The following SPG11 variants were observed in gnomAD, a reference collection of about 807,000 sequenced individuals.
SPG11 encodes the protein SPG11 vesicle trafficking associated, spatacsin, also known as spatacsin.
In SPG11, 222 loss-of-function variants were observed where a neutral mutation model predicts 274.0. The observed-to-expected ratio is 0.81, with a 90% confidence interval of 0.73 to 0.91. The LOEUF is 0.91. Ranked by LOEUF, SPG11 falls within the 40% of genes least tolerant of loss-of-function variation. The pLI, the probability that SPG11 is intolerant of heterozygous loss-of-function variation, is 0.00. For missense variants in SPG11, 3,114 were observed against 2,872.7 expected, an observed-to-expected ratio of 1.08 and a Z score of -1.92; for synonymous variants, 1,144 against 1,039.7, an observed-to-expected ratio of 1.10 and a Z score of -1.93.
rs529499254 is a variant in SPG11, at chr15:44,649,512, G to A, written c.1457-501C>T. ...CCTCCCAAATGTTTTGATTACAAGCGTGAGCCACTGCACCCACCAAGAAAA... is the reference window on the plus strand; with the variant it reads ...CCTCCCAAATGTTTTGATTACAAGCATGAGCCACTGCACCCACCAAGAAAA... On this transcript the variant is annotated intron_variant, in intron 6 of 39. Coordinates refer to ENST00000261866, the MANE Select transcript of SPG11 (RefSeq NM_025137.4). 1.8e-4 allele frequency among the ~76,000 whole-genome samples: 27 copies of A among 152,104 alleles called. No homozygotes were observed. The East Asian group carries it at 2.3e-3, about 13-fold the overall frequency.
intron 30 of SPG11, among the ~76,000 whole-genome samples, chr15:44,576,142 C>CAAAAAAAA (rs201558800): frequency 4.6e-5 from 2 of 43,056 alleles, no homozygotes; most frequent in Non-Finnish European, 7.8e-5. Context: ...AACTCCATCT[C>CAAAAAAAA]AAAAAAAAAA....
At chr15:44,591,993 C>A (rs2082910738) in intron 27 of SPG11, among the ~76,000 whole-genome samples, 1 of 151,966 alleles carries the variant, frequency 6.6e-6, no homozygotes, top group African/African-American at 2.4e-5. Flanking sequence ...CACCTGTAAT[C>A]CCAGCTACTC....
At position 44,652,143 on chromosome 15, in the gene SPG11, G is replaced by A. The variant is rs76823973; in HGVS notation, c.993C>T (p.Ser331=). 5,154 of 1,614,078 alleles carry A rather than the reference G, an allele frequency of 3.2e-3. 208 individuals are homozygous for A. In the East Asian group the frequency reaches 0.079, roughly 25 times the overall value. ...SAYNMKLAKF[S]FQIDRSWKAQ... is the part of the protein sequence containing the mutation. ...AGTTTCTGTACCTATCAATTTGGAA[G>A]GAAAACTTGGCCAGTTTCATGTTGT... is the stretch of plus-strand genomic sequence containing the variant. Residue 331 remains serine (S), a synonymous_variant, in exon 5 of 40, where the codon TCC becomes TCT. Transcript: ENST00000261866.
chr15:44,636,959 A>AAAAAAAAAAAC, intron 7 of SPG11, among the ~76,000 whole-genome samples: 1 of 122,274 alleles, frequency 8.2e-6, no homozygotes, highest in African/African-American at 3.6e-5. Context: ...AAAAAAAAAC[A>AAAAAAAAAAAC]AAAAAAAAAC....
At chr15:44,601,812 A>G (rs976115314) in intron 20 of SPG11, among the ~76,000 whole-genome samples, 2 of 151,320 alleles carry the variant, frequency 1.3e-5, no homozygotes, top group East Asian at 3.9e-4. Flanking sequence ...GCCCACCTTG[A>G]CCTCCCAAAG....
intron 7 of SPG11, among the ~76,000 whole-genome samples, chr15:44,633,972 C>T (rs904848692): frequency 6.6e-5 from 10 of 151,944 alleles, no homozygotes; most frequent in South Asian, 2.1e-4. Context: ...CCAAGTAGTT[C>T]GGATTACAGG....
chr15:44,620,189 C>A lies in SPG11; in HGVS notation c.2834+1G>T, dbSNP rs312262749. ...GGGTATTAGTTCAACAGTTATAATACCTGGCCAGCTTATCTAAAATTTCAT... is the reference window on the plus strand; with the variant it reads ...GGGTATTAGTTCAACAGTTATAATAACTGGCCAGCTTATCTAAAATTTCAT... On this transcript the variant is annotated splice_donor_variant, in intron 15 of 39. Coordinates refer to ENST00000261866, the MANE Select transcript of SPG11 (RefSeq NM_025137.4). LOFTEE classifies it high-confidence loss of function. The A allele has an allele frequency of 4.5e-5, 72 of 1,610,356 alleles. No individual in the cohort carries two copies. The highest frequency in any genetic ancestry group is 6.1e-5 in the Non-Finnish European group (72 of 1,176,912).
At chr15:44,580,454 A>C (rs1480629021) in intron 30 of SPG11, among the ~76,000 whole-genome samples, 1 of 152,190 alleles carries the variant, frequency 6.6e-6, no homozygotes, top group African/African-American at 2.4e-5. Flanking sequence ...AAATTATCCA[A>C]TCTGAACAAC....
At position 44,660,658 on chromosome 15, in the gene SPG11, A is replaced by G. The variant is rs912635528; in HGVS notation, c.258-42T>C. On this transcript the variant is annotated intron_variant, in intron 1 of 39. Coordinates refer to ENST00000261866, the MANE Select transcript of SPG11 (RefSeq NM_025137.4). Reference sequence around the variant, plus strand: ...AGATTTATTATATTCTATATCCGCAATAATATTTACCCACAATGGTGGGGG... The same window carrying G: ...AGATTTATTATATTCTATATCCGCAGTAATATTTACCCACAATGGTGGGGG... 4 of 1,586,084 alleles carry G rather than the reference A, an allele frequency of 2.5e-6. No homozygotes were observed. In the South Asian group the frequency reaches 3.3e-5, roughly 13 times the overall value.
intron 6 of SPG11, 68 bp downstream of exon 6, chr15:44,651,423 G>A: frequency 5.0e-6 from 7 of 1,398,564 alleles, no homozygotes; most frequent in Non-Finnish European, 7.0e-6. Flanking sequence ...CACTGAGGCA[G>A]AAGTAAAATA....
At chr15:44,576,014 T>C (rs1478576689) in intron 30 of SPG11, among the ~76,000 whole-genome samples, 1 of 151,606 alleles carries the variant, frequency 6.6e-6, no homozygotes, top group Non-Finnish European at 1.5e-5. Context: ...TGGTGGCGCA[T>C]GCCTGTAATC....
At chr15:44,566,380 G>A (rs374014606) in intron 36 of SPG11, 75 bp from the exon 37 acceptor site, 14 of 1,433,900 alleles carry the variant, frequency 9.8e-6, no homozygotes, top group Admixed American at 3.7e-5. Context: ...CATTGTGATC[G>A]TGGCTAGAAT....
intron 27 of SPG11, among the ~76,000 whole-genome samples, chr15:44,592,014 G>C (rs1285313246): frequency 6.6e-6 from 1 of 151,832 alleles, no homozygotes; most frequent in African/African-American, 2.4e-5. Flanking sequence ...TGGAGGCTGA[G>C]GCAGGAGAAT....
chr15:44,569,543 G>A (rs1442798807), intron 34 of SPG11, 38 bp from the exon 35 acceptor site: 3 of 1,463,564 alleles, frequency 2.0e-6, no homozygotes, highest in Non-Finnish European at 2.8e-6. Context: ...AGCATCACCT[G>A]GAGTCTGGAG....
chr15:44,572,250 G>A (rs1056511123), intron 33 of SPG11, among the ~76,000 whole-genome samples: 2 of 152,090 alleles, frequency 1.3e-5, no homozygotes, highest in Non-Finnish European at 2.9e-5. Context: ...TTTTAAAAAA[G>A]AGAACTTATC....
At chr15:44,568,043 T>A (rs188536085) in intron 35 of SPG11, among the ~76,000 whole-genome samples, 1 of 152,246 alleles carries the variant, frequency 6.6e-6, no homozygotes, top group Non-Finnish European at 1.5e-5. Context: ...TGATATACTT[T>A]GTTAAGTGAG....
intron 7 of SPG11, 102 bp from the exon 8 acceptor site, chr15:44,633,739 C>T: frequency 7.9e-7 from 1 of 1,262,418 alleles, no homozygotes; most frequent in Admixed American, 2.0e-5. Flanking sequence ...TGTGGTGAGA[C>T]TACAGGAGGC....
intron 20 of SPG11, among the ~76,000 whole-genome samples, chr15:44,604,676 C>T (rs2083274879): frequency 6.6e-6 from 1 of 152,138 alleles, no homozygotes; most frequent in South Asian, 2.1e-4. Context: ...CGCCTGTAAT[C>T]CCAGCACTTT....
Position 44,570,743 on chromosome 15 carries a change from C to T in SPG11, c.6344-85G>A, listed in dbSNP as rs1595824339. ...CTGCCTGGCAGGAGGGAAAAAGGGC[C>T]TGGTGGAGAAGGGGCCTGTCTGGAG... On this transcript the variant is annotated intron_variant, in intron 33 of 39. Transcript: ENST00000261866. 2.6e-6 allele frequency: 4 copies of T among 1,549,910 alleles called. No homozygotes were observed. In the East Asian group the frequency reaches 9.6e-5, roughly 37 times the overall value.
Sources: gnomAD v4.1 joint callset for allele counts (sites outside exome capture counted in the v4.1 genomes callset) on GRCh38, gnomAD v4.1.1 for gene constraint, MANE v1.5 for transcripts, NCBI Gene and HGNC (gene_info 2026-07-23, HGNC 2026-07-21) for gene names.